AFG2A: variants seen among roughly 807,000 people sequenced by gnomAD.
AFG2A encodes ATPase family gene 2 protein homolog A.
At chr4:123,032,485 C>T in the AFG2A span, among the ~76,000 whole-genome samples, 34 of 152,290 alleles carry the variant, frequency 2.2e-4, no homozygotes, top group African/African-American at 3.4e-4. Context: ...CTCTGCCTCC[C>T]GGGTTCAAGC....
chr4:122,954,052 A>G, the AFG2A span, among the ~76,000 whole-genome samples: 2 of 152,214 alleles, frequency 1.3e-5, no homozygotes, highest in Non-Finnish European at 2.9e-5. Flanking sequence ...GATGTCCTGC[A>G]ATTCCTCCAT....
the AFG2A span, among the ~76,000 whole-genome samples, chr4:123,221,364 T>C: frequency 6.6e-6 from 1 of 152,082 alleles, no homozygotes; most frequent in Non-Finnish European, 1.5e-5. Flanking sequence ...GGTCTCATTG[T>C]GTTGCCCAAG....
chr4:123,223,797 TTA>T, the AFG2A span, among the ~76,000 whole-genome samples: 3 of 152,214 alleles, frequency 2.0e-5, no homozygotes, highest in African/African-American at 7.2e-5. Flanking sequence ...TAGGGGTTCC[TTA>T]TATATTTTGG....
chr4:123,257,146 G>A, the AFG2A span, among the ~76,000 whole-genome samples: 4 of 152,052 alleles, frequency 2.6e-5, no homozygotes, highest in African/African-American at 9.7e-5. Flanking sequence ...GAGTCTATTT[G>A]GAACTGAACT....
chr4:123,167,771 A>G, the AFG2A span, among the ~76,000 whole-genome samples: 81 of 152,342 alleles, frequency 5.3e-4, no homozygotes, highest in Non-Finnish European at 9.6e-4. Context: ...GCCACCTTCC[A>G]TGGTAGCTTG....
the AFG2A span, chr4:123,317,561 G>C: frequency 7.2e-5 from 11 of 152,216 alleles, no homozygotes; most frequent in Admixed American, 2.0e-4. Context: ...ATCTAGCAAA[G>C]TTGAAGACCC....
chr4:123,318,109 C>T, the AFG2A span: 2 of 152,152 alleles, frequency 1.3e-5, no homozygotes, highest in Non-Finnish European at 2.9e-5. Context: ...AACTCAATTC[C>T]ATGAATTTAC....
At chr4:122,989,392 T>C in the AFG2A span, among the ~76,000 whole-genome samples, 1 of 152,136 alleles carries the variant, frequency 6.6e-6, no homozygotes, top group Non-Finnish European at 1.5e-5. Context: ...GCAGTCTTAG[T>C]GCTGGGATGG....
chr4:123,262,954 A>G, the AFG2A span, among the ~76,000 whole-genome samples: 1 of 152,206 alleles, frequency 6.6e-6, no homozygotes, highest in African/African-American at 2.4e-5. Flanking sequence ...AAAGGCAGAG[A>G]TGAATGAAAG....
At chr4:123,154,484 T>C in the AFG2A span, among the ~76,000 whole-genome samples, 1 of 152,194 alleles carries the variant, frequency 6.6e-6, no homozygotes, top group Non-Finnish European at 1.5e-5. Context: ...AAGGTGATAC[T>C]GCCCTATACA....
chr4:123,278,383 T>C, the AFG2A span, among the ~76,000 whole-genome samples: 2 of 152,172 alleles, frequency 1.3e-5, no homozygotes, highest in Non-Finnish European at 2.9e-5. Context: ...TCTATCTGTC[T>C]TAATTTTTTC....
the AFG2A span, among the ~76,000 whole-genome samples, chr4:123,015,424 A>T: frequency 6.6e-6 from 1 of 152,060 alleles, no homozygotes; most frequent in Non-Finnish European, 1.5e-5. Context: ...TGTTTAACAA[A>T]GCACATCTTG....
At chr4:123,025,386 G>A in the AFG2A span, among the ~76,000 whole-genome samples, 25 of 152,318 alleles carry the variant, frequency 1.6e-4, no homozygotes, top group East Asian at 4.8e-3. Flanking sequence ...AGTGGAGTAT[G>A]CTGTGATGCA....
the AFG2A span, among the ~76,000 whole-genome samples, chr4:123,134,613 G>A: frequency 2.1e-5 from 1 of 46,898 alleles, no homozygotes. Flanking sequence ...TTTTTTTTTT[G>A]CAAAGGATCA....
chr4:122,999,923 ATTCTTCCTACCCATGAGCATGGAATG>A, the AFG2A span, among the ~76,000 whole-genome samples: 1 of 152,118 alleles, frequency 6.6e-6, no homozygotes, highest in Non-Finnish European at 1.5e-5. Flanking sequence ...CACGATATTG[ATTCTTCCTACCCATGAGCATGGAATG>A]TTCTTCCATT....
the AFG2A span, among the ~76,000 whole-genome samples, chr4:123,183,692 G>A: frequency 6.6e-6 from 1 of 152,040 alleles, no homozygotes; most frequent in Non-Finnish European, 1.5e-5. Flanking sequence ...AAATGGAAAA[G>A]AAAGAGTATA....
chr4:123,100,406 C>T, the AFG2A span, among the ~76,000 whole-genome samples: 1 of 151,854 alleles, frequency 6.6e-6, no homozygotes, highest in Non-Finnish European at 1.5e-5. Flanking sequence ...TGTCTTTACA[C>T]TTTATCTCAC....
chr4:123,318,828 A>G, the AFG2A span: 1 of 152,000 alleles, frequency 6.6e-6, no homozygotes, highest in African/African-American at 2.4e-5. Flanking sequence ...GATCGAATAC[A>G]TGGTATATAG....
At chr4:123,104,167 A>G in the AFG2A span, among the ~76,000 whole-genome samples, 2 of 152,144 alleles carry the variant, frequency 1.3e-5, no homozygotes, top group Non-Finnish European at 2.9e-5. Flanking sequence ...TTCCAACAGC[A>G]TATTCTCACT....
Sources: allele counts gnomAD v4.1 joint callset (sites outside exome capture counted in the v4.1 genomes callset), GRCh38; gene constraint gnomAD v4.1.1; transcripts MANE v1.5; gene names NCBI Gene and HGNC (gene_info 2026-07-23, HGNC 2026-07-21).